VWC2: variants seen among roughly 807,000 people sequenced by gnomAD.
The protein encoded by VWC2 is brorin.
Under a neutral mutation model 29.8 loss-of-function variants are expected in VWC2, and 14 were observed. The ratio of observed to expected loss-of-function variants is 0.47; its 90% CI spans 0.31 to 0.74. The LOEUF (loss-of-function observed/expected upper bound fraction) is 0.74, where lower values mean the gene tolerates loss of function less well. Ranked by LOEUF, VWC2 falls within the 30% of genes least tolerant of loss-of-function variation. The probability of loss-of-function intolerance (pLI) is 0.05; values close to 1 mark genes in which losing one functional copy is unlikely to be tolerated. For missense variants in VWC2, 457 were observed against 459.8 expected, an observed-to-expected ratio of 0.99 and a Z score of 0.05; for synonymous variants, 213 against 199.0, an observed-to-expected ratio of 1.07 and a Z score of -0.59.
intron 3 of VWC2, among the ~76,000 whole-genome samples, chr7:49,909,122 C>A (rs1793262031): frequency 1.3e-5 from 2 of 152,142 alleles, no homozygotes; most frequent in South Asian, 4.1e-4. Context: ...TTAATTTAAT[C>A]AGTCCAAGAT....
intron 3 of VWC2, among the ~76,000 whole-genome samples, chr7:49,846,615 GTTATTA>G (rs1415185277): frequency 6.6e-6 from 1 of 152,096 alleles, no homozygotes; most frequent in Non-Finnish European, 1.5e-5. Context: ...TTATTACACT[GTTATTA>G]TTATTGCCAT....
chr7:49,799,164 T>C (rs1428421826), intron 2 of VWC2, among the ~76,000 whole-genome samples: 3 of 152,172 alleles, frequency 2.0e-5, no homozygotes, highest in African/African-American at 7.2e-5. Context: ...GGCCCAACAC[T>C]GGCAAGTGGC....
In VWC2 at chr7:49,775,992, T is replaced by A. The variant is rs1241330292; in HGVS notation, c.557T>A (p.Leu186Gln). The change falls in exon 2 of 4, where the codon CTG becomes CAG. Residue 186 changes from leucine (L) to glutamine (Q), a missense_variant. This residue lies in a region of VWC2 where 185 missense variants were observed against 257.1 expected (regional missense o/e 0.72). Transcript: ENST00000340652. ...CPCLCTEEGP[L>Q]CAQPECPRLH... ...TGCCTGTGCACCGAGGAGGGGCCGC[T>A]GTGCGCGCAGCCCGAGTGCCCGAGG... 1.3e-6 allele frequency: 2 copies of A among 1,545,336 alleles called. No homozygotes were observed. The highest frequency in any genetic ancestry group is 2.4e-5 in the East Asian group (1 of 41,116).
At position 49,775,411 on chromosome 7, in the gene VWC2, C is replaced by T. The variant is rs1409208201; in HGVS notation, c.-25C>T. 4 of 1,278,620 alleles carry T rather than the reference C, an allele frequency of 3.1e-6. No individual in the cohort carries two copies. The South Asian group carries it at 5.8e-5, about 18-fold the overall frequency. 79.2% of individuals were successfully genotyped at this position (1,278,620 alleles called of 1,614,324 possible). A position where few individuals can be genotyped will look rare whatever the true frequency, so the allele number is the denominator to read the frequency against. ...GCCCCTCGGCCGCGCTCCCCGCCCG[C>T]CCGCCCGCCGGGACGTGGTAGGGGA... On this transcript the variant is annotated 5_prime_UTR_variant, in exon 2 of 4. Coordinates refer to ENST00000340652, the MANE Select transcript of VWC2 (RefSeq NM_198570.5).
intron 3 of VWC2, among the ~76,000 whole-genome samples, chr7:49,871,286 T>A (rs1009494358): frequency 2.0e-5 from 3 of 152,204 alleles, no homozygotes; most frequent in Non-Finnish European, 4.4e-5. Context: ...TTCATGGACC[T>A]TTTGATCCAA....
intron 2 of VWC2, among the ~76,000 whole-genome samples, chr7:49,779,258 C>T (rs1347031391): frequency 6.6e-6 from 1 of 152,168 alleles, no homozygotes; most frequent in Non-Finnish European, 1.5e-5. Flanking sequence ...ACTCAGTTTT[C>T]TGCATATTCT....
intron 3 of VWC2, among the ~76,000 whole-genome samples, chr7:49,846,443 A>G (rs895678463): frequency 6.6e-6 from 1 of 152,144 alleles, no homozygotes; most frequent in African/African-American, 2.4e-5. Flanking sequence ...AGAACAACAT[A>G]AAGTTCTCCC....
intron 3 of VWC2, among the ~76,000 whole-genome samples, chr7:49,824,617 A>C (rs1789350037): frequency 6.6e-6 from 1 of 152,202 alleles, no homozygotes; most frequent in African/African-American, 2.4e-5. Context: ...TTGAGTTTGC[A>C]TTTAATTTAC....
At chr7:49,835,222 TTAGTCCAGAGCCCACC>T (rs1442992586) in intron 3 of VWC2, among the ~76,000 whole-genome samples, 3 of 152,186 alleles carry the variant, frequency 2.0e-5, no homozygotes, top group Non-Finnish European at 2.9e-5. Context: ...TGGACATCAG[TTAGTCCAGAGCCCACC>T]TAGCAAGTGG....
At chr7:49,799,084 C>T (rs949074471) in intron 2 of VWC2, among the ~76,000 whole-genome samples, 2 of 152,174 alleles carry the variant, frequency 1.3e-5, no homozygotes, top group African/African-American at 4.8e-5. Context: ...CTGAAAAGGG[C>T]AGGGCATTAT....
intron 3 of VWC2, among the ~76,000 whole-genome samples, chr7:49,891,527 CCAAA>C (rs1430084531): frequency 6.6e-6 from 1 of 152,032 alleles, no homozygotes. Flanking sequence ...CAGAGAATAT[CCAAA>C]CAATCAGTCA....
At chr7:49,880,039 C>T (rs2128726705) in intron 3 of VWC2, among the ~76,000 whole-genome samples, 1 of 152,242 alleles carries the variant, frequency 6.6e-6, no homozygotes, top group East Asian at 1.9e-4. Context: ...CATTTTCTCC[C>T]AACTAAAATT....
intron 3 of VWC2, among the ~76,000 whole-genome samples, chr7:49,804,911 C>A (rs952186316): frequency 6.6e-6 from 1 of 152,144 alleles, no homozygotes; most frequent in African/African-American, 2.4e-5. Context: ...CTGAAACCTA[C>A]TGAATAGTGT....
At chr7:49,815,026 C>A (rs1789103896) in intron 3 of VWC2, among the ~76,000 whole-genome samples, 1 of 152,082 alleles carries the variant, frequency 6.6e-6, no homozygotes, top group South Asian at 2.1e-4. Context: ...TTTTGTTGGA[C>A]CCTTTGTTTT....
intron 3 of VWC2, among the ~76,000 whole-genome samples, chr7:49,856,792 G>C (rs940927609): frequency 6.6e-6 from 1 of 151,894 alleles, no homozygotes; most frequent in Non-Finnish European, 1.5e-5. Context: ...GGCGGATCAC[G>C]AGGTCAGGAG....
intron 3 of VWC2, among the ~76,000 whole-genome samples, chr7:49,814,280 T>C (rs1264251049): frequency 3.3e-5 from 5 of 152,204 alleles, no homozygotes; most frequent in Admixed American, 1.3e-4. Flanking sequence ...ATACTAACTC[T>C]GTGTTTGCTG....
chr7:49,831,425 G>C (rs79332952), intron 3 of VWC2, among the ~76,000 whole-genome samples: 3,685 of 152,214 alleles, frequency 0.024, 137 homozygotes, highest in South Asian at 0.12. Context: ...TACTAACCTG[G>C]AGAACATGTA....
At chr7:49,868,832 T>G (rs1238748922) in intron 3 of VWC2, among the ~76,000 whole-genome samples, 1 of 152,192 alleles carries the variant, frequency 6.6e-6, no homozygotes, top group Admixed American at 6.5e-5. Context: ...TTGGCCAGGC[T>G]GGTCTTGAAC....
chr7:49,819,104 G>C (rs1176575223), intron 3 of VWC2, among the ~76,000 whole-genome samples: 1 of 152,098 alleles, frequency 6.6e-6, no homozygotes, highest in Non-Finnish European at 1.5e-5. Flanking sequence ...CTTCCTCGCT[G>C]GTCTGCAGTT....
Sources: allele counts gnomAD v4.1 joint callset (sites outside exome capture counted in the v4.1 genomes callset), GRCh38; gene constraint gnomAD v4.1.1; regional missense constraint gnomAD v4.1.1; transcripts MANE v1.5; gene names NCBI Gene and HGNC (gene_info 2026-07-23, HGNC 2026-07-21).